RARB: variants seen among roughly 807,000 people sequenced by gnomAD.
RARB encodes HBV-activated protein.
Under a neutral mutation model 51.9 loss-of-function variants are expected in RARB, and 17 were observed. The observed-to-expected ratio is 0.33, with a 90% CI of 0.22 to 0.49. RARB has a LOEUF of 0.49. Among genes scored for constraint, RARB ranks in the 20% least tolerant of loss-of-function variants. RARB has a pLI of 0.99. For missense variants in RARB, 369 were observed against 550.8 expected (o/e 0.67, Z 3.30); for synonymous variants, 215 against 195.4 (o/e 1.10, Z -0.84).
intron 5 of RARB, among the ~76,000 whole-genome samples, chr3:25,316,301 A>G (rs1165338710): frequency 1.3e-5 from 2 of 152,168 alleles, no homozygotes; most frequent in Admixed American, 6.5e-5. Context: ...GACATATAGT[A>G]TTAGAGGAAA....
chr3:24,884,384 A>C (rs1444337694), intron 2 of RARB, among the ~76,000 whole-genome samples: 1 of 152,166 alleles, frequency 6.6e-6, no homozygotes, highest in Non-Finnish European at 1.5e-5. Context: ...GTTTAAGGGA[A>C]AGTACATGAG....
intron 5 of RARB, among the ~76,000 whole-genome samples, chr3:25,198,965 C>T (rs548514732): frequency 2.6e-5 from 4 of 152,006 alleles, no homozygotes; most frequent in Admixed American, 6.6e-5. Flanking sequence ...AAAAGGAAAT[C>T]GGTATATTGA....
At chr3:25,120,744 T>A (rs1699771136) in intron 3 of RARB, among the ~76,000 whole-genome samples, 3 of 152,148 alleles carry the variant, frequency 2.0e-5, no homozygotes, top group African/African-American at 7.2e-5. Context: ...ATGAATGACC[T>A]ACGGAGACTT....
At chr3:25,221,464 G>C (rs1348033186) in intron 5 of RARB, among the ~76,000 whole-genome samples, 1 of 152,140 alleles carries the variant, frequency 6.6e-6, no homozygotes, top group Admixed American at 6.5e-5. Flanking sequence ...AATCGTGGTA[G>C]TGATTATTCT....
At chr3:24,917,353 C>T (rs1695128208) in intron 2 of RARB, among the ~76,000 whole-genome samples, 1 of 152,098 alleles carries the variant, frequency 6.6e-6, no homozygotes, top group African/African-American at 2.4e-5. Flanking sequence ...TTTCAAAATA[C>T]ATTAAGTAAA....
chr3:25,211,842 G>T (rs899296462), intron 5 of RARB, among the ~76,000 whole-genome samples: 2 of 152,136 alleles, frequency 1.3e-5, no homozygotes, highest in Non-Finnish European at 2.9e-5. Context: ...TCCATAATTT[G>T]CAGACTCATG....
chr3:25,549,834 C>T (rs993113997), intron 3 of RARB, among the ~76,000 whole-genome samples: 3 of 151,984 alleles, frequency 2.0e-5, no homozygotes, highest in Non-Finnish European at 2.9e-5. Flanking sequence ...CAACTGACAC[C>T]GAGATTGGCC....
intron 2 of RARB, among the ~76,000 whole-genome samples, chr3:24,977,423 C>G (rs914436824): frequency 3.3e-5 from 5 of 152,026 alleles, no homozygotes; most frequent in African/African-American, 1.2e-4. Context: ...TGTTTGTGTC[C>G]TCTTTTATTT....
chr3:25,197,281 T>C (rs321528), intron 5 of RARB, among the ~76,000 whole-genome samples: 20,661 of 152,190 alleles, frequency 0.14, 1,496 homozygotes, highest in South Asian at 0.2. Context: ...GCTTTCTGCA[T>C]ATGGCTAGCC....
At chr3:25,457,191 C>T (rs950624745) in intron 1 of RARB, among the ~76,000 whole-genome samples, 4 of 152,022 alleles carry the variant, frequency 2.6e-5, no homozygotes, top group South Asian at 2.1e-4. Context: ...TTAAAAAGCT[C>T]CCCAGCTGGT....
chr3:25,587,969 CAATAAATATTCATTA>C (rs140100699), intron 5 of RARB, among the ~76,000 whole-genome samples: 16,990 of 152,134 alleles, frequency 0.11, 1,196 homozygotes, highest in East Asian at 0.21. Flanking sequence ...TTTATTCATT[CAATAAATATTCATTA>C]ACCACCTGCT....
At chr3:25,081,621 ATTTTTTTTTTTTTTTT>A (rs1168828068) in intron 3 of RARB, among the ~76,000 whole-genome samples, 1 of 5,804 alleles carries the variant, frequency 1.7e-4, no homozygotes, top group African/African-American at 5.9e-4. Flanking sequence ...ATATATATAT[ATTTTTTTTTTTTTTTT>A]TTTTTTTTTT....
intron 1 of RARB, among the ~76,000 whole-genome samples, chr3:25,438,360 G>C (rs1216199474): frequency 6.6e-6 from 1 of 152,216 alleles, no homozygotes; most frequent in East Asian, 1.9e-4. Context: ...CAGTTTGGGA[G>C]AGAAAGGCAA....
chr3:25,244,701 T>G (rs1361736025), intron 5 of RARB, among the ~76,000 whole-genome samples: 1 of 152,208 alleles, frequency 6.6e-6, no homozygotes, highest in Non-Finnish European at 1.5e-5. Context: ...TTCTCTTCTT[T>G]TGCATTTGCT....
intron 5 of RARB, among the ~76,000 whole-genome samples, chr3:25,338,311 G>A (rs1447309050): frequency 6.6e-6 from 1 of 152,266 alleles, no homozygotes; most frequent in African/African-American, 2.4e-5. Flanking sequence ...CAAAAGGGAT[G>A]CTCTGCTCTG....
intron 3 of RARB, among the ~76,000 whole-genome samples, chr3:25,128,464 C>CTATATACTAGAAATATATCTAGTATATAA (rs756492500): frequency 8.2e-5 from 12 of 147,116 alleles, no homozygotes; most frequent in Non-Finnish European, 1.5e-4. Flanking sequence ...TTCTAGTATA[C>CTATATACTAGAAATATATCTAGTATATAA]TATATACTAG....
intron 5 of RARB, among the ~76,000 whole-genome samples, chr3:25,353,296 GAATT>G (rs1705632205): frequency 6.6e-6 from 1 of 152,096 alleles, no homozygotes; most frequent in South Asian, 2.1e-4. Flanking sequence ...AGAACCTGCT[GAATT>G]AATTTTATAT....
chr3:25,276,644 T>C (rs763874548), intron 5 of RARB, among the ~76,000 whole-genome samples: 9 of 152,350 alleles, frequency 5.9e-5, no homozygotes, highest in South Asian at 2.1e-4. Flanking sequence ...ATGCCTCTAA[T>C]TTTACAGAGT....
At chr3:25,482,229 T>C (rs1249274245) in intron 2 of RARB, among the ~76,000 whole-genome samples, 1 of 152,210 alleles carries the variant, frequency 6.6e-6, no homozygotes, top group African/African-American at 2.4e-5. Context: ...GTCTGGCTTA[T>C]CAAACATTTG....
Sources: gnomAD v4.1 joint callset for allele counts (sites outside exome capture counted in the v4.1 genomes callset) on GRCh38, gnomAD v4.1.1 for gene constraint, MANE v1.5 for transcripts, NCBI Gene and HGNC (gene_info 2026-07-23, HGNC 2026-07-21) for gene names.